NRXN1: variants seen among roughly 807,000 people sequenced by gnomAD.
NRXN1 encodes the protein neurexin 1.
A neutral mutation model predicts 150.9 loss-of-function variants in NRXN1; 39 were observed. The ratio of observed to expected loss-of-function variants is 0.26; its 90% CI spans 0.20 to 0.34. The LOEUF (loss-of-function observed/expected upper bound fraction) is 0.34. Among genes scored for constraint, NRXN1 ranks in the 10% least tolerant of loss-of-function variants. The pLI is 1.00. For missense variants in NRXN1, 1,815 were observed against 1,949.9 expected (o/e 0.93, Z 1.30); for synonymous variants, 924 against 757.0 (o/e 1.22, Z -3.62).
intron 18 of NRXN1, among the ~76,000 whole-genome samples, chr2:50,217,243 T>C (rs1346982517): frequency 6.6e-6 from 1 of 152,102 alleles, no homozygotes; most frequent in East Asian, 1.9e-4. Flanking sequence ...TAAAATTTGC[T>C]ATTATTAAGA....
At position 50,733,721 on chromosome 2, in the gene NRXN1, A is replaced by G. The variant is rs144620766; in HGVS notation, c.833-110106T>C. ...AGAGAAGATTAATATTTGATAATACAGTCTTAATAATGGTCGACCATTGAA... is the reference window on the plus strand; with the variant it reads ...AGAGAAGATTAATATTTGATAATACGGTCTTAATAATGGTCGACCATTGAA... On this transcript the variant is annotated intron_variant, in intron 5 of 22. Coordinates refer to ENST00000401669, the MANE Select transcript of NRXN1 (RefSeq NM_001330078.2). Among the ~76,000 whole-genome samples the G allele has an allele frequency of 3.2e-4, 48 of 152,288 alleles. 1 individual carries two copies. In the East Asian group the frequency reaches 8.5e-3, roughly 27 times the overall value.
intron 5 of NRXN1, chr2:50,917,435 AT>A (rs1468031750): frequency 5.9e-5 from 9 of 151,770 alleles, no homozygotes; most frequent in Admixed American, 5.9e-4. Context: ...CAAATTCGCT[AT>A]ATAGCAACAC....
At chr2:50,021,432 G>T (rs1472555121) in intron 21 of NRXN1, among the ~76,000 whole-genome samples, 1 of 152,178 alleles carries the variant, frequency 6.6e-6, no homozygotes, top group Admixed American at 6.5e-5. Flanking sequence ...TGTAAGCAAA[G>T]ACAGTAAGCA....
intron 18 of NRXN1, among the ~76,000 whole-genome samples, chr2:50,133,353 G>C (rs1206588180): frequency 1.3e-5 from 2 of 152,048 alleles, no homozygotes; most frequent in African/African-American, 4.8e-5. Context: ...TTTCAGAGGA[G>C]GTCTGAAGAA....
intron 22 of NRXN1, among the ~76,000 whole-genome samples, chr2:49,936,204 T>C (rs1001692577): frequency 6.6e-6 from 1 of 152,238 alleles, no homozygotes; most frequent in Non-Finnish European, 1.5e-5. Flanking sequence ...AACTCACTTA[T>C]ATGCTAAGTA....
At chr2:49,984,210 AG>A (rs1680513556) in intron 21 of NRXN1, among the ~76,000 whole-genome samples, 1 of 152,120 alleles carries the variant, frequency 6.6e-6, no homozygotes, top group African/African-American at 2.4e-5. Flanking sequence ...ATACAGACAA[AG>A]CAAGTATACC....
intron 5 of NRXN1, chr2:50,696,247 A>G (rs527506604): frequency 6.6e-6 from 1 of 152,572 alleles, no homozygotes; most frequent in South Asian, 2.1e-4. Flanking sequence ...ACACACACAC[A>G]CACGTATATC....
intron 8 of NRXN1, among the ~76,000 whole-genome samples, chr2:50,575,908 T>C (rs983262506): frequency 2.0e-5 from 3 of 152,170 alleles, no homozygotes; most frequent in African/African-American, 7.2e-5. Flanking sequence ...AGAAATCAAA[T>C]TGCATCTAAT....
At chr2:50,030,042 T>C (rs17039678) in intron 21 of NRXN1, among the ~76,000 whole-genome samples, 56,990 of 151,980 alleles carry the variant, frequency 0.37, 11,231 homozygotes, top group Middle Eastern at 0.51. Flanking sequence ...TGGGTAACTA[T>C]GTGTCAAGTG....
chr2:50,311,902 T>C (rs1412051774), intron 17 of NRXN1, among the ~76,000 whole-genome samples: 1 of 152,048 alleles, frequency 6.6e-6, no homozygotes, highest in Non-Finnish European at 1.5e-5. Context: ...CCTACACAAT[T>C]GGAGGAATAG....
At chr2:50,955,814 T>C (rs1692190748) in intron 2 of NRXN1, among the ~76,000 whole-genome samples, 1 of 152,124 alleles carries the variant, frequency 6.6e-6, no homozygotes. Flanking sequence ...ATAGAAAGTG[T>C]TTGATAATTA....
intron 5 of NRXN1, among the ~76,000 whole-genome samples, chr2:50,660,922 T>C (rs2104639532): frequency 6.6e-6 from 1 of 152,176 alleles, no homozygotes; most frequent in African/African-American, 2.4e-5. Flanking sequence ...ATTCACAATC[T>C]TATTGTATGT....
chr2:50,041,424 G>A (rs943991820), intron 21 of NRXN1, among the ~76,000 whole-genome samples: 14 of 152,130 alleles, frequency 9.2e-5, no homozygotes, highest in African/African-American at 3.4e-4. Context: ...AGCTTGTCTT[G>A]TAGCCCTGTC....
At chr2:50,838,981 T>G (rs1317773082) in intron 5 of NRXN1, among the ~76,000 whole-genome samples, 1 of 152,144 alleles carries the variant, frequency 6.6e-6, no homozygotes, top group South Asian at 2.1e-4. Context: ...GACCAAGATC[T>G]TACAGTTACT....
At chr2:50,089,614 C>G (rs561116158) in intron 19 of NRXN1, among the ~76,000 whole-genome samples, 17 of 151,930 alleles carry the variant, frequency 1.1e-4, no homozygotes, top group African/African-American at 3.9e-4. Context: ...TAGCGAGACC[C>G]CCATCTCTAC....
At chr2:50,659,574 A>G (rs1686996876) in intron 5 of NRXN1, among the ~76,000 whole-genome samples, 1 of 151,944 alleles carries the variant, frequency 6.6e-6, no homozygotes, top group Non-Finnish European at 1.5e-5. Flanking sequence ...TAAAAATATT[A>G]TAAATTTCTT....
At chr2:50,128,764 C>A (rs1442396110) in intron 18 of NRXN1, among the ~76,000 whole-genome samples, 1 of 151,966 alleles carries the variant, frequency 6.6e-6, no homozygotes, top group Non-Finnish European at 1.5e-5. Context: ...GGGTGGATCG[C>A]CTGAGATCAG....
chr2:50,693,399 C>A (rs1489477901), intron 5 of NRXN1, among the ~76,000 whole-genome samples: 1 of 152,162 alleles, frequency 6.6e-6, no homozygotes, highest in African/African-American at 2.4e-5. Flanking sequence ...CTTGCCATAG[C>A]TGCCTCCTGA....
At chr2:50,788,227 C>T (rs1289210596) in intron 5 of NRXN1, among the ~76,000 whole-genome samples, 1 of 151,892 alleles carries the variant, frequency 6.6e-6, no homozygotes, top group Non-Finnish European at 1.5e-5. Flanking sequence ...GCTGGGACTA[C>T]AGGCACCCGC....
Sources: allele counts gnomAD v4.1 joint callset (sites outside exome capture counted in the v4.1 genomes callset), GRCh38; gene constraint gnomAD v4.1.1; transcripts MANE v1.5; gene names NCBI Gene and HGNC (gene_info 2026-07-23, HGNC 2026-07-21).